The following CDH8 variants were observed in gnomAD, a reference collection of about 807,000 sequenced individuals.
CDH8 encodes cadherin 8.
CDH8 carries 17 observed loss-of-function variants against 68.1 expected under a neutral mutation model. The observed-to-expected ratio is 0.25, with a 90% confidence interval of 0.17 to 0.37. The LOEUF (loss-of-function observed/expected upper bound fraction) is 0.37. CDH8 is among the 10% of genes least tolerant of loss of function. The pLI is 1.00. For synonymous variants in CDH8, 372 were observed against 365.1 expected (o/e 1.02, Z -0.21); for missense variants, 763 against 999.3 (o/e 0.76, Z 3.19).
chr16:61,656,463 C>A (rs1330782398), intron 10 of CDH8, among the ~76,000 whole-genome samples: 2 of 152,166 alleles, frequency 1.3e-5, no homozygotes, highest in African/African-American at 4.8e-5. Context: ...AAAAGATAGA[C>A]TGTATGACAA....
At position 61,960,380 on chromosome 16, in the gene CDH8, T is replaced by C. The variant is rs1164606692; in HGVS notation, c.253-58907A>G. Among the ~76,000 whole-genome samples the C allele has an allele frequency of 4.4e-5, 5 of 112,504 alleles. 1 individual carries two copies. The East Asian group carries it at 1.3e-3, about 28-fold the overall frequency. 73.8% of individuals were successfully genotyped at this position (112,504 alleles called of 152,430 possible). On this transcript the variant is annotated intron_variant, in intron 2 of 11. Coordinates refer to ENST00000577390, the MANE Select transcript of CDH8 (RefSeq NM_001796.5). Reference sequence around the variant, plus strand: ...GTGTATACACATACATATATACATGTGTGTGTGTATACACATACATATATA... The same window carrying C: ...GTGTATACACATACATATATACATGCGTGTGTGTATACACATACATATATA...
At chr16:61,761,679 T>C (rs988491566) in intron 8 of CDH8, among the ~76,000 whole-genome samples, 2 of 152,180 alleles carry the variant, frequency 1.3e-5, no homozygotes, top group Non-Finnish European at 2.9e-5. Flanking sequence ...GGTTATGTAC[T>C]GCATATTCCA....
chr16:61,978,798 A>G (rs1965484165), intron 2 of CDH8, among the ~76,000 whole-genome samples: 1 of 152,140 alleles, frequency 6.6e-6, no homozygotes, highest in Non-Finnish European at 1.5e-5. Flanking sequence ...GGCTACTTAC[A>G]GTTGATTTTC....
rs530929490 is a variant in CDH8, at chr16:61,871,346, A to AT, written c.548-14109dup. Among the ~76,000 whole-genome samples the AT allele has an allele frequency of 5.0e-3, 706 of 140,530 alleles. 4 individuals carry two copies. Among genetic ancestry groups the AT allele is most frequent in the African/African-American group, 0.013 (489 of 38,416 alleles). The allele number at this position is 140,530 out of a possible 152,430, so 92.2% of individuals were successfully genotyped here. A position where few individuals can be genotyped will look rare whatever the true frequency, so the allele number is the denominator to read the frequency against. On this transcript the variant is annotated intron_variant, in intron 3 of 11. Transcript: ENST00000577390. ...CAGGTGTGTAATCCCACCATGGCAG[A>AT]TTTTTTTTTTTTTTTAATAGAGACA...
intron 8 of CDH8, among the ~76,000 whole-genome samples, chr16:61,730,895 C>T (rs1959515675): frequency 6.6e-6 from 1 of 151,520 alleles, no homozygotes; most frequent in African/African-American, 2.4e-5. Context: ...TTTTAAGACT[C>T]ATTACATGAT....
At position 61,649,467 on chromosome 16, in the gene CDH8, CT is replaced by C. The variant is rs1219481078; in HGVS notation, c.*4140del. On this transcript the variant is annotated 3_prime_UTR_variant, in exon 12 of 12. Coordinates refer to ENST00000577390, the MANE Select transcript of CDH8 (RefSeq NM_001796.5). Reference sequence around the variant, plus strand: ...ATATATGTATAAGGATATATATATTCTTTTTAATGTTGATATTCATGTTTAA... The same window carrying C: ...ATATATGTATAAGGATATATATATTCTTTTAATGTTGATATTCATGTTTAA... 6.6e-6 allele frequency: 1 copy of C among 151,072 alleles called. No homozygotes were observed. The highest frequency in any genetic ancestry group is 1.5e-5 in the Non-Finnish European group (1 of 67,774). The allele number at this position is 151,072 out of a possible 1,614,324, so 9.4% of individuals were successfully genotyped here. A position where few individuals can be genotyped will look rare whatever the true frequency, so the allele number is the denominator to read the frequency against.
chr16:61,801,747 C>G (rs543603714), intron 7 of CDH8, among the ~76,000 whole-genome samples: 3 of 152,298 alleles, frequency 2.0e-5, no homozygotes, highest in Non-Finnish European at 2.9e-5. Flanking sequence ...CGAATATTGC[C>G]CTTTTCAGAC....
At chr16:62,001,150 C>A (rs1965887555) in intron 2 of CDH8, among the ~76,000 whole-genome samples, 2 of 152,114 alleles carry the variant, frequency 1.3e-5, no homozygotes, top group African/African-American at 2.4e-5. Context: ...AAACGTGATT[C>A]TGATGCAACA....
At chr16:61,983,129 C>G (rs1487762819) in intron 2 of CDH8, among the ~76,000 whole-genome samples, 1 of 152,008 alleles carries the variant, frequency 6.6e-6, no homozygotes, top group Non-Finnish European at 1.5e-5. Context: ...CTACAGCATC[C>G]CTGTCTTTCA....
At chr16:61,695,125 A>T (rs1331060120) in intron 10 of CDH8, among the ~76,000 whole-genome samples, 1 of 151,864 alleles carries the variant, frequency 6.6e-6, no homozygotes. Context: ...GCTGTACACA[A>T]ATTCCCATAA....
intron 2 of CDH8, among the ~76,000 whole-genome samples, chr16:61,995,565 G>A (rs535478198): frequency 2.3e-4 from 35 of 152,234 alleles, no homozygotes; most frequent in Admixed American, 3.9e-4. Context: ...TTTTAGTAGA[G>A]ACAGAGTTTC....
At chr16:61,765,099 A>G (rs111739978) in intron 8 of CDH8, among the ~76,000 whole-genome samples, 2,161 of 152,210 alleles carry the variant, frequency 0.014, 56 homozygotes, top group African/African-American at 0.049. Context: ...TAAAATTTTC[A>G]GTAGAACTAC....
At chr16:61,682,232 G>C (rs570300325) in intron 10 of CDH8, among the ~76,000 whole-genome samples, 1 of 151,946 alleles carries the variant, frequency 6.6e-6, no homozygotes, top group East Asian at 2.0e-4. Flanking sequence ...GCATTTAATA[G>C]CTCATTAATT....
chr16:61,834,588 G>A (rs533917158), intron 4 of CDH8, among the ~76,000 whole-genome samples: 22 of 151,972 alleles, frequency 1.4e-4, no homozygotes, highest in Non-Finnish European at 3.1e-4. Context: ...ACTCAAAAAA[G>A]GTGGTGCTGA....
intron 10 of CDH8, among the ~76,000 whole-genome samples, chr16:61,685,766 T>G (rs1258704645): frequency 6.6e-6 from 1 of 151,928 alleles, no homozygotes; most frequent in Non-Finnish European, 1.5e-5. Flanking sequence ...TACCCTTTCC[T>G]GCAGAGACAA....
chr16:61,754,059 T>C (rs974037225), intron 8 of CDH8, among the ~76,000 whole-genome samples: 2 of 152,114 alleles, frequency 1.3e-5, no homozygotes, highest in Admixed American at 6.6e-5. Context: ...GGTCTCAAAC[T>C]TAATACTGTC....
At chr16:61,841,881 T>G (rs1030393379) in intron 4 of CDH8, among the ~76,000 whole-genome samples, 1 of 151,930 alleles carries the variant, frequency 6.6e-6, no homozygotes, top group African/African-American at 2.4e-5. Context: ...AAGAAACTTT[T>G]GTGATTTGTT....
chr16:61,656,586 G>T (rs905845591), intron 10 of CDH8, among the ~76,000 whole-genome samples: 2 of 152,142 alleles, frequency 1.3e-5, no homozygotes, highest in African/African-American at 4.8e-5. Context: ...TTACTACCCG[G>T]AGGAGATATG....
chr16:61,715,988 G>A (rs1041089873), intron 9 of CDH8, among the ~76,000 whole-genome samples: 1 of 151,718 alleles, frequency 6.6e-6, no homozygotes, highest in Non-Finnish European at 1.5e-5. Context: ...TTGCTTGTGA[G>A]CAAATGTAGC....
Sources: allele counts gnomAD v4.1 joint callset (sites outside exome capture counted in the v4.1 genomes callset), GRCh38; gene constraint gnomAD v4.1.1; transcripts MANE v1.5; gene names NCBI Gene and HGNC (gene_info 2026-07-23, HGNC 2026-07-21).